IMMP2L: variants seen among roughly 807,000 people sequenced by gnomAD.
IMMP2L encodes inner mitochondrial membrane peptidase subunit 2.
Under a neutral mutation model 19.3 loss-of-function variants are expected in IMMP2L, and 18 were observed. The observed-to-expected ratio is 0.93, with a 90% confidence interval of 0.64 to 1.38. The LOEUF (loss-of-function observed/expected upper bound fraction) is 1.38. IMMP2L is among the 40% of genes most tolerant of loss of function. The probability of loss-of-function intolerance (pLI) is 0.00; values close to 1 mark genes in which losing one functional copy is unlikely to be tolerated. For synonymous variants in IMMP2L, 76 were observed against 73.0 expected, an observed-to-expected ratio of 1.04 and a Z score of -0.21; for missense variants, 233 against 218.2, an observed-to-expected ratio of 1.07 and a Z score of -0.43.
intron 3 of IMMP2L, among the ~76,000 whole-genome samples, chr7:111,113,048 T>C (rs1326261805): frequency 6.6e-6 from 1 of 152,204 alleles, no homozygotes; most frequent in African/African-American, 2.4e-5. Flanking sequence ...TTTTATTATA[T>C]GCAGAACAGA....
intron 3 of IMMP2L, among the ~76,000 whole-genome samples, chr7:111,160,953 A>G (rs1805193000): frequency 6.6e-6 from 1 of 151,666 alleles, no homozygotes; most frequent in South Asian, 2.1e-4. Flanking sequence ...GATATAAAAG[A>G]ATTCTGTGAA....
intron 3 of IMMP2L, among the ~76,000 whole-genome samples, chr7:111,108,354 G>A (rs536761929): frequency 6.6e-6 from 1 of 152,112 alleles, no homozygotes; most frequent in African/African-American, 2.4e-5. Context: ...CAATCATTAA[G>A]AATACATTTT....
chr7:110,731,219 C>A (rs1372364093), intron 5 of IMMP2L, among the ~76,000 whole-genome samples: 1 of 151,964 alleles, frequency 6.6e-6, no homozygotes, highest in Non-Finnish European at 1.5e-5. Context: ...CTTTTTTAAT[C>A]TAGAGAAACC....
intron 3 of IMMP2L, among the ~76,000 whole-genome samples, chr7:111,230,147 G>A (rs902062316): frequency 7.9e-5 from 12 of 151,932 alleles, no homozygotes; most frequent in African/African-American, 2.9e-4. Context: ...TGTTATGATG[G>A]CATAGAAAAA....
At chr7:111,299,420 T>C (rs1404769489) in intron 3 of IMMP2L, among the ~76,000 whole-genome samples, 1 of 152,162 alleles carries the variant, frequency 6.6e-6, no homozygotes, top group Non-Finnish European at 1.5e-5. Flanking sequence ...CTAGGTGTTC[T>C]AGTAAGCTCA....
intron 3 of IMMP2L, among the ~76,000 whole-genome samples, chr7:111,155,744 C>A (rs890961517): frequency 6.6e-6 from 1 of 151,808 alleles, no homozygotes; most frequent in Non-Finnish European, 1.5e-5. Flanking sequence ...CTTTTAAAAA[C>A]TTTTCATTGT....
chr7:111,167,173 T>G (rs1805914699), intron 3 of IMMP2L, among the ~76,000 whole-genome samples: 2 of 151,974 alleles, frequency 1.3e-5, no homozygotes, highest in Admixed American at 1.3e-4. Flanking sequence ...GGGGACTTGA[T>G]CTGACCACGT....
intron 3 of IMMP2L, among the ~76,000 whole-genome samples, chr7:111,107,989 T>G (rs1220675905): frequency 2.0e-5 from 3 of 152,194 alleles, no homozygotes; most frequent in Non-Finnish European, 4.4e-5. Flanking sequence ...TGTCTTGATT[T>G]GCATCAACTT....
chr7:111,406,829 G>A (rs969576581), intron 3 of IMMP2L, among the ~76,000 whole-genome samples: 32 of 152,022 alleles, frequency 2.1e-4, no homozygotes, highest in Admixed American at 2.0e-3. Context: ...TTTGGGGAGT[G>A]CCCTTAGGAA....
intron 3 of IMMP2L, among the ~76,000 whole-genome samples, chr7:111,270,489 C>A (rs1818337267): frequency 6.6e-6 from 1 of 151,358 alleles, no homozygotes. Context: ...TAGATGTAGT[C>A]CATCAGTTAT....
rs574552855 is a variant in IMMP2L, at chr7:111,445,949, C to G, written c.239+41289G>C. Among the ~76,000 whole-genome samples, 74 of 149,628 alleles carry G rather than the reference C, an allele frequency of 4.9e-4. 1 individual carries two copies. In the South Asian group the frequency reaches 8.3e-3, roughly 17 times the overall value. On this transcript the variant is annotated intron_variant, in intron 3 of 5. Coordinates refer to ENST00000405709, the MANE Select transcript of IMMP2L (RefSeq NM_032549.4). ...CCTAGTCAAAGAAAGGGGTGATGGACGCACCTGGAAAATCGGGTCACTCCC... is the reference window on the plus strand; with the variant it reads ...CCTAGTCAAAGAAAGGGGTGATGGAGGCACCTGGAAAATCGGGTCACTCCC...
chr7:110,918,603 G>A (rs901973007), intron 4 of IMMP2L, among the ~76,000 whole-genome samples: 13 of 151,596 alleles, frequency 8.6e-5, no homozygotes, highest in Non-Finnish European at 1.5e-4. Context: ...TTACAGGCGT[G>A]TACCACCACA....
rs533402284 is a variant in IMMP2L, at chr7:110,916,044, G to A, written c.306-29349C>T. On this transcript the variant is annotated intron_variant, in intron 4 of 5. Transcript: ENST00000405709. ...AAAACATGTTTATTAAAAGGCTCAC[G>A]TCACATTGAATGGCCACATCTACAT... is the stretch of plus-strand genomic sequence containing the variant. 3.9e-5 allele frequency among the ~76,000 whole-genome samples: 6 copies of A among 152,218 alleles called. No homozygotes were observed. In the East Asian group the frequency reaches 9.7e-4, roughly 24 times the overall value.
intron 3 of IMMP2L, 55 bp from the exon 4 acceptor site, chr7:110,963,620 G>T: frequency 1.8e-6 from 2 of 1,118,750 alleles, no homozygotes; most frequent in Non-Finnish European, 2.6e-6. Context: ...GTTTTAGGAA[G>T]ATGAAAAGAA....
chr7:111,062,035 C>A lies in IMMP2L; in HGVS notation c.240-98470G>T, dbSNP rs1794062075. ...TCAGATTTAAGGTGATCTCCTTCCA[C>A]ACTTGCTTAGCACCCTTTCTTTTCC... On this transcript the variant is annotated intron_variant, in intron 3 of 5. Transcript: ENST00000405709. 2.6e-5 allele frequency among the ~76,000 whole-genome samples: 4 copies of A among 152,322 alleles called. No individual in the cohort carries two copies. In the South Asian group the frequency reaches 8.3e-4, roughly 32 times the overall value.
chr7:111,537,014 A>G (rs1173628879), intron 1 of IMMP2L, among the ~76,000 whole-genome samples: 1 of 152,166 alleles, frequency 6.6e-6, no homozygotes, highest in African/African-American at 2.4e-5. Context: ...AAAAAATTGA[A>G]TCAACATCTC....
chr7:111,075,957 C>G (rs1795372129), intron 3 of IMMP2L, among the ~76,000 whole-genome samples: 1 of 152,194 alleles, frequency 6.6e-6, no homozygotes, highest in African/African-American at 2.4e-5. Flanking sequence ...CCTCTCCCTT[C>G]CACTTGCCAG....
chr7:111,316,800 CACA>C (rs1206361037), intron 3 of IMMP2L, among the ~76,000 whole-genome samples: 1 of 149,618 alleles, frequency 6.7e-6, no homozygotes, highest in Non-Finnish European at 1.5e-5. Flanking sequence ...TGTCAAATCT[CACA>C]ACAACCCAAT....
intron 3 of IMMP2L, among the ~76,000 whole-genome samples, chr7:110,981,844 AC>A (rs1426527300): frequency 6.6e-6 from 1 of 152,104 alleles, no homozygotes; most frequent in African/African-American, 2.4e-5. Context: ...CATGCCCAAC[AC>A]AAAAAAACAA....
Sources: allele counts gnomAD v4.1 joint callset (sites outside exome capture counted in the v4.1 genomes callset), GRCh38; gene constraint gnomAD v4.1.1; transcripts MANE v1.5; gene names NCBI Gene and HGNC (gene_info 2026-07-23, HGNC 2026-07-21).